TRAPPC9: variants seen among roughly 807,000 people sequenced by gnomAD.
The protein encoded by TRAPPC9 is trafficking protein particle complex subunit 9.
TRAPPC9 carries 83 observed loss-of-function variants against 124.0 expected under a neutral mutation model. That is an observed-to-expected ratio of 0.67 (90% CI 0.56 to 0.80). The LOEUF (loss-of-function observed/expected upper bound fraction) is 0.80. Ranked by LOEUF, TRAPPC9 falls within the 30% of genes least tolerant of loss-of-function variation. The probability of loss-of-function intolerance (pLI) is 0.00; values close to 1 mark genes in which losing one functional copy is unlikely to be tolerated. For missense variants in TRAPPC9, 1,302 were observed against 1,508.3 expected (o/e 0.86, Z 2.27); for synonymous variants, 638 against 617.5 (o/e 1.03, Z -0.49).
At position 140,074,212 on chromosome 8, in the gene TRAPPC9, C is replaced by T. The variant is rs116826694; in HGVS notation, c.2557-50133G>A. On this transcript the variant is annotated intron_variant, in intron 17 of 22. Transcript: ENST00000438773. ...AGAGGACAGGAGGCAGTCAGGGTTG[C>T]TTTCCTGACAAGACTCCTCCTCCTC... Among the ~76,000 whole-genome samples, 1,174 of 152,262 alleles carry T rather than the reference C, an allele frequency of 7.7e-3. 19 individuals are homozygous for T. Among genetic ancestry groups the T allele is most frequent in the African/African-American group, 0.027 (1,115 of 41,556 alleles).
intron 19 of TRAPPC9, among the ~76,000 whole-genome samples, chr8:139,937,096 C>CT (rs1833581555): frequency 6.6e-6 from 1 of 151,084 alleles, no homozygotes; most frequent in South Asian, 2.1e-4. Context: ...TGGGGCTGGA[C>CT]TTCAGGCTGG....
chr8:139,739,153 G>A (rs1015499222), intron 21 of TRAPPC9, among the ~76,000 whole-genome samples: 3 of 152,046 alleles, frequency 2.0e-5, no homozygotes, highest in Non-Finnish European at 4.4e-5. Context: ...TTCTCCTCCT[G>A]CCCCTCTTCC....
chr8:140,094,897 A>G (rs1227059117), intron 17 of TRAPPC9: 3 of 152,254 alleles, frequency 2.0e-5, no homozygotes, highest in Non-Finnish European at 4.4e-5. Context: ...GAGGATGTAT[A>G]TCGCACCTAG....
intron 20 of TRAPPC9, among the ~76,000 whole-genome samples, chr8:139,893,436 G>A (rs915159830): frequency 6.6e-6 from 1 of 152,204 alleles, no homozygotes; most frequent in African/African-American, 2.4e-5. Context: ...TGCCCTGGCG[G>A]TCTGCACAAT....
intron 21 of TRAPPC9, among the ~76,000 whole-genome samples, chr8:139,772,626 G>A (rs1011978468): frequency 6.6e-6 from 1 of 152,140 alleles, no homozygotes; most frequent in Non-Finnish European, 1.5e-5. Context: ...TTATCTAAAC[G>A]CAGAGCTCAT....
chr8:139,979,784 C>A (rs538665307), intron 19 of TRAPPC9, among the ~76,000 whole-genome samples: 1 of 152,168 alleles, frequency 6.6e-6, no homozygotes, highest in African/African-American at 2.4e-5. Context: ...CAGGACAGTG[C>A]CCCTCACAGC....
intron 7 of TRAPPC9, among the ~76,000 whole-genome samples, chr8:140,375,723 CAAGTTCTAACCCCAAGTTA>C (rs1377314447): frequency 6.6e-6 from 1 of 152,236 alleles, no homozygotes; most frequent in Admixed American, 6.5e-5. Context: ...TTTGACACCA[CAAGTTCTAACCCCAAGTTA>C]ACCAGCCACT....
intron 19 of TRAPPC9, among the ~76,000 whole-genome samples, chr8:139,939,339 T>G (rs1833755963): frequency 6.6e-6 from 1 of 152,010 alleles, no homozygotes; most frequent in Admixed American, 6.5e-5. Flanking sequence ...GCAAGAGGCG[T>G]GGCGGGCAGG....
rs547499232 is a variant in TRAPPC9, at chr8:140,069,584, AT to A, written c.2557-45506del. 9.9e-5 allele frequency among the ~76,000 whole-genome samples: 15 copies of A among 152,230 alleles called. No homozygotes were observed. In the South Asian group the frequency reaches 2.1e-3, roughly 21 times the overall value. ...TGCAAATCACATTAATATACCCCATATGACCCCACAATACAGCATCACTTAA... is the reference window on the plus strand; with the variant it reads ...TGCAAATCACATTAATATACCCCATAGACCCCACAATACAGCATCACTTAA... On this transcript the variant is annotated intron_variant, in intron 17 of 22. Coordinates refer to ENST00000438773, the MANE Select transcript of TRAPPC9 (RefSeq NM_001160372.4).
chr8:140,305,582 G>A (rs955266958), intron 10 of TRAPPC9, among the ~76,000 whole-genome samples: 12 of 152,164 alleles, frequency 7.9e-5, no homozygotes, highest in Non-Finnish European at 1.6e-4. Flanking sequence ...CATTACAGGC[G>A]TGAGCCACCG....
intron 21 of TRAPPC9, among the ~76,000 whole-genome samples, chr8:139,828,211 C>CT (rs148444933): frequency 0.018 from 2,667 of 152,266 alleles, 82 homozygotes; most frequent in African/African-American, 0.061. Context: ...CCAGTGTGCC[C>CT]ACATGACGCC....
At chr8:140,227,319 T>C (rs2063478005) in intron 16 of TRAPPC9, among the ~76,000 whole-genome samples, 2 of 151,986 alleles carry the variant, frequency 1.3e-5, no homozygotes, top group Admixed American at 1.3e-4. Flanking sequence ...CTATCACAAA[T>C]AGAACAGAGA....
intron 8 of TRAPPC9, among the ~76,000 whole-genome samples, chr8:140,369,927 G>A (rs2068229338): frequency 6.6e-6 from 1 of 151,928 alleles, no homozygotes; most frequent in Admixed American, 6.6e-5. Flanking sequence ...ACTCCAGCCT[G>A]GGCAACAAGA....
At chr8:139,733,418 G>T (rs190640166) in intron 21 of TRAPPC9, among the ~76,000 whole-genome samples, 1 of 152,192 alleles carries the variant, frequency 6.6e-6, no homozygotes, top group South Asian at 2.1e-4. Context: ...GTGGTCGTTC[G>T]CTGTGGCAGC....
intron 6 of TRAPPC9, among the ~76,000 whole-genome samples, chr8:140,402,694 T>A (rs1445007988): frequency 1.0e-4 from 15 of 143,706 alleles, no homozygotes; most frequent in African/African-American, 3.9e-4. Flanking sequence ...AAACCCTGTC[T>A]CAAAAAAAAA....
At chr8:140,302,478 C>T (rs1351832440) in intron 10 of TRAPPC9, among the ~76,000 whole-genome samples, 1 of 152,180 alleles carries the variant, frequency 6.6e-6, no homozygotes, top group Admixed American at 6.5e-5. Context: ...TATGAAGCTG[C>T]CAACAGCAAA....
rs960597831 is a variant in TRAPPC9 at position 140,116,671 on chromosome 8, T to G, written c.2557-92592A>C. Among the ~76,000 whole-genome samples, 4 of 152,182 alleles carry G rather than the reference T, an allele frequency of 2.6e-5. No individual in the cohort carries two copies. The East Asian group carries it at 7.7e-4, about 29-fold the overall frequency. On this transcript the variant is annotated intron_variant, in intron 17 of 22. Coordinates refer to ENST00000438773, the MANE Select transcript of TRAPPC9 (RefSeq NM_001160372.4). ...TAAAGACAATAAATGCTTGCTGTGG[T>G]TTTGAGAAGTAACCCCAGGCGCTGC...
At chr8:139,900,711 C>A (rs1305449143) in intron 20 of TRAPPC9, among the ~76,000 whole-genome samples, 2 of 152,148 alleles carry the variant, frequency 1.3e-5, no homozygotes, top group East Asian at 3.9e-4. Flanking sequence ...TAATAAAACA[C>A]CTTCCTTGTC....
chr8:139,751,611 C>A lies in TRAPPC9; in HGVS notation c.3056-19409G>T, dbSNP rs150916202. Among the ~76,000 whole-genome samples, 10 of 152,222 alleles carry A rather than the reference C, an allele frequency of 6.6e-5. No homozygotes were observed. In the East Asian group the frequency reaches 1.3e-3, roughly 21 times the overall value. ...CCTAGGTATCTGGACTCCCATGCCC[C>A]AACCCTAGAACAAAGACCTGGACAC... On this transcript the variant is annotated intron_variant, in intron 21 of 22. Transcript: ENST00000438773.
Sources: gnomAD v4.1 joint callset for allele counts (sites outside exome capture counted in the v4.1 genomes callset) on GRCh38, gnomAD v4.1.1 for gene constraint, MANE v1.5 for transcripts, NCBI Gene and HGNC (gene_info 2026-07-23, HGNC 2026-07-21) for gene names.